The following SON variants were observed in gnomAD, a reference collection of about 807,000 sequenced individuals.
SON encodes the protein SON DNA and RNA binding protein, also known as protein SON.
SON carries 4 observed loss-of-function variants against 173.3 expected under a neutral mutation model. The observed-to-expected ratio is 0.02, with a 90% CI of 0.01 to 0.05. SON has a LOEUF of 0.05. Ranked by LOEUF, SON falls within the 10% of genes least tolerant of loss-of-function variation. The pLI is 1.00. For missense variants in SON, 2,626 were observed against 3,055.3 expected (o/e 0.86, Z 3.31); for synonymous variants, 1,190 against 1,105.9 (o/e 1.08, Z -1.51).
At chr21:33,543,269 AGGCCCCGCTAG>A (rs2085503620) in intron 1 of SON, 100 bp downstream of exon 1, 2 of 1,112,856 alleles carry the variant, frequency 1.8e-6, no homozygotes, top group Non-Finnish European at 2.7e-6. Context: ...TCCCCGGCTC[AGGCCCCGCTAG>A]GGCCCCGCCT....
rs769136021 is a variant in SON, at chr21:33,549,887, C to T, written c.656C>T (p.Thr219Ile). 2 of 1,614,240 alleles carry T rather than the reference C, an allele frequency of 1.2e-6. No individual in the cohort carries two copies. Among genetic ancestry groups the T allele is most frequent in the Non-Finnish European group, 1.7e-6 (2 of 1,180,032 alleles). The part of the protein sequence containing the change: ...TKTAELSVVS[T>I]SVISEQSEQS... Reference sequence around the variant, plus strand: ...ACTGCAGAACTGTCAGTTGTATCTACATCAGTAATCTCAGAGCAGTCAGAG... The same window carrying T: ...ACTGCAGAACTGTCAGTTGTATCTATATCAGTAATCTCAGAGCAGTCAGAG... The change falls in exon 3 of 12, where the codon ACA (threonine) becomes ATA (isoleucine). Residue 219 changes from threonine to isoleucine, a missense_variant. Physicochemically the swap from Thr to Ile is moderately conservative, Grantham distance 89. Around this residue, in one of 13 missense-constraint regions of SON, gnomAD observed 757 missense variants for 730.1 expected, o/e 1.04. Coordinates refer to ENST00000356577, the MANE Select transcript of SON (RefSeq NM_138927.4).
intron 1 of SON, 155 bp downstream of exon 1, chr21:33,543,324 C>A (rs868759004): frequency 3.0e-6 from 2 of 664,582 alleles, no homozygotes; most frequent in Admixed American, 2.6e-5. Context: ...CCCCCCCCAA[C>A]CGCCCCCCCA....
intron 9 of SON, among the ~76,000 whole-genome samples, 173 bp downstream of exon 9, chr21:33,573,628 A>C (rs566012320): frequency 6.6e-6 from 1 of 152,304 alleles, no homozygotes; most frequent in South Asian, 2.1e-4. Context: ...TTTTTATATA[A>C]CTATGGATAG....
In SON at chr21:33,576,630, TC is replaced by T. The variant is rs1334208870; in HGVS notation, c.*208del. On this transcript the variant is annotated 3_prime_UTR_variant, in exon 12 of 12. Transcript: ENST00000356577. ...ATTTTACTCTGCATCACAATGTATT[TC>T]CTCTTTAATGTTGTAAATATTTGGC... is the stretch of plus-strand genomic sequence containing the variant. 2 of 680,918 alleles carry T rather than the reference TC, an allele frequency of 2.9e-6. No homozygotes were observed. Among genetic ancestry groups the T allele is most frequent in the African/African-American group, 3.6e-5 (2 of 56,114 alleles). 42.2% of individuals were successfully genotyped at this position (680,918 alleles called of 1,614,324 possible).
intron 6 of SON, among the ~76,000 whole-genome samples, chr21:33,564,338 C>T (rs2086123730): frequency 6.6e-6 from 1 of 152,136 alleles, no homozygotes; most frequent in Non-Finnish European, 1.5e-5. Flanking sequence ...CAATGCTGCT[C>T]TAAAGGGTAG....
At chr21:33,568,448 A>G (rs184345726) in intron 7 of SON, among the ~76,000 whole-genome samples, 3 of 152,356 alleles carry the variant, frequency 2.0e-5, no homozygotes, top group Admixed American at 1.3e-4. Flanking sequence ...GTGAGCAGAC[A>G]TCGCACCATT....
intron 2 of SON, among the ~76,000 whole-genome samples, chr21:33,547,590 A>G (rs918641937): frequency 6.6e-6 from 1 of 152,014 alleles, no homozygotes; most frequent in Non-Finnish European, 1.5e-5. Flanking sequence ...GGCTCTAACA[A>G]CCTTCATTGA....
At chr21:33,562,175 T>TTG (rs530993795) in intron 6 of SON, among the ~76,000 whole-genome samples, 39 of 152,318 alleles carry the variant, frequency 2.6e-4, no homozygotes, top group African/African-American at 9.1e-4. Flanking sequence ...ATATACTATA[T>TTG]TGTATATATA....
intron 1 of SON, among the ~76,000 whole-genome samples, chr21:33,543,760 C>A (rs780388574): frequency 3.7e-4 from 57 of 152,332 alleles, no homozygotes; most frequent in Non-Finnish European, 6.9e-4. Flanking sequence ...AACTGATGCA[C>A]TTGCTAGTTT....
At chr21:33,569,769 G>C (rs1374695303) in intron 8 of SON, 3 of 296,556 alleles carry the variant, frequency 1.0e-5, no homozygotes, top group African/African-American at 7.0e-5. Flanking sequence ...GGTGGGCTGT[G>C]GTGAAGGGGA....
rs1194788520 is a variant in SON, at chr21:33,554,167, A to G, written c.4936A>G (p.Ser1646Gly). 6.2e-7 allele frequency: 1 copy of G among 1,614,208 alleles called. No homozygotes were observed. The highest frequency in any genetic ancestry group is 1.7e-5 in the Admixed American group (1 of 60,028). ...TGAACATGACATGGTAATTTCCACC[A>G]GTCCTAGTGGTGGTAGTGAAGCTGA... is the stretch of plus-strand genomic sequence containing the variant. Reference protein sequence around the residue: ...DTEHDMVISTSPSGGSEADIE... With the variant: ...DTEHDMVISTGPSGGSEADIE... Residue 1646 changes from serine to glycine, a missense_variant, in exon 3 of 12, where the codon AGT becomes GGT. Transcript: ENST00000356577.
intron 3 of SON, among the ~76,000 whole-genome samples, chr21:33,556,486 G>A (rs375870737): frequency 1.1e-4 from 17 of 152,090 alleles, no homozygotes; most frequent in African/African-American, 3.9e-4. Context: ...GCCGAGGCAG[G>A]TGGATCACCT....
chr21:33,543,368 C>T, intron 1 of SON, 199 bp downstream of exon 1: 1 of 607,936 alleles, frequency 1.6e-6, no homozygotes. Flanking sequence ...AGGAACTTCG[C>T]CTTTTCCGAG....
At position 33,576,826 on chromosome 21, in the gene SON, G is replaced by C. The variant is rs1486711887; in HGVS notation, c.*402G>C. 2 of 331,192 alleles carry C rather than the reference G, an allele frequency of 6.0e-6. No homozygotes were observed. Among genetic ancestry groups the C allele is most frequent in the Non-Finnish European group, 1.2e-5 (2 of 167,148 alleles). 20.5% of individuals were successfully genotyped at this position (331,192 alleles called of 1,614,324 possible). ...TCCAAACGACTGTTTGAAGGCATCA[G>C]AGTAATCTTCAGTGTGGAATGTTAA... is the stretch of plus-strand genomic sequence containing the variant. On this transcript the variant is annotated 3_prime_UTR_variant, in exon 12 of 12. Transcript: ENST00000356577.
intron 1 of SON, chr21:33,543,586 G>T: frequency 4.1e-6 from 1 of 241,504 alleles, no homozygotes; most frequent in South Asian, 4.7e-5. Flanking sequence ...GACCGGAAAG[G>T]GTCTCTAACG....
chr21:33,568,213 C>T (rs1464390120), intron 7 of SON, among the ~76,000 whole-genome samples: 1 of 152,212 alleles, frequency 6.6e-6, no homozygotes, highest in African/African-American at 2.4e-5. Flanking sequence ...TGTTTTACGG[C>T]CGGGTGCAGT....
At chr21:33,561,632 G>T (rs1301227398) in intron 6 of SON, among the ~76,000 whole-genome samples, 1 of 152,076 alleles carries the variant, frequency 6.6e-6, no homozygotes, top group Non-Finnish European at 1.5e-5. Context: ...GAGAGAGAGA[G>T]AGTGTGTGTG....
chr21:33,557,360 C>G (rs1209849806), intron 4 of SON, 44 bp downstream of exon 4: 2 of 1,604,906 alleles, frequency 1.2e-6, no homozygotes, highest in South Asian at 1.1e-5. Context: ...TGGATTATTC[C>G]AGTGATGTTG....
At chr21:33,560,519 G>C in intron 6 of SON, 1 of 997,460 alleles carries the variant, frequency 1.0e-6, no homozygotes, top group Non-Finnish European at 1.2e-6. Flanking sequence ...AATGCCGCCT[G>C]ATTAAATAAT....
Sources: allele counts gnomAD v4.1 joint callset (sites outside exome capture counted in the v4.1 genomes callset), GRCh38; gene constraint gnomAD v4.1.1; regional missense constraint gnomAD v4.1.1; transcripts MANE v1.5; gene names NCBI Gene and HGNC (gene_info 2026-07-23, HGNC 2026-07-21).